Variants in RBFOX1 observed in about 807,000 individuals in gnomAD.
RBFOX1 encodes the protein RNA binding protein fox-1 homolog 1.
RBFOX1 carries 8 observed loss-of-function variants against 57.7 expected under a neutral mutation model. The observed-to-expected ratio is 0.14, with a 90% CI of 0.08 to 0.25. RBFOX1 has a LOEUF of 0.25. Ranked by LOEUF, RBFOX1 falls within the 10% of genes least tolerant of loss-of-function variation. The pLI is 1.00. For synonymous variants in RBFOX1, 326 were observed against 222.4 expected, an observed-to-expected ratio of 1.47 and a Z score of -4.15; for missense variants, 611 against 548.5, an observed-to-expected ratio of 1.11 and a Z score of -1.14.
At chr16:6,845,923 A>G (rs2093731410) in intron 3 of RBFOX1, among the ~76,000 whole-genome samples, 1 of 152,174 alleles carries the variant, frequency 6.6e-6, no homozygotes, top group South Asian at 2.1e-4. Context: ...AAAAAGGCAA[A>G]TCTCAACCTG....
At chr16:7,436,745 C>T (rs961500931) in intron 4 of RBFOX1, among the ~76,000 whole-genome samples, 1 of 152,106 alleles carries the variant, frequency 6.6e-6, no homozygotes, top group East Asian at 1.9e-4. Flanking sequence ...ATTTGGTCTC[C>T]TTGCTGAGAT....
At chr16:7,266,310 T>G (rs890274842) in intron 4 of RBFOX1, among the ~76,000 whole-genome samples, 53 of 152,014 alleles carry the variant, frequency 3.5e-4, no homozygotes, top group African/African-American at 1.3e-3. Context: ...GTGTGGCACC[T>G]TCCCCCACGC....
At chr16:6,626,331 A>G (rs374409967) in intron 2 of RBFOX1, among the ~76,000 whole-genome samples, 2 of 152,186 alleles carry the variant, frequency 1.3e-5, no homozygotes, top group South Asian at 4.2e-4. Flanking sequence ...AGAAGAGAAG[A>G]TCCATGGTGT....
chr16:5,499,141 G>A (rs1312978866), intron 2 of RBFOX1, among the ~76,000 whole-genome samples: 3 of 152,116 alleles, frequency 2.0e-5, no homozygotes, highest in Non-Finnish European at 4.4e-5. Flanking sequence ...TTCATCTTCT[G>A]TTCTAGGTCA....
intron 5 of RBFOX1, 43 bp downstream of exon 5, chr16:7,518,432 C>A (rs544222561): frequency 1.3e-6 from 2 of 1,566,178 alleles, no homozygotes; most frequent in African/African-American, 1.3e-5. Context: ...TATGGGGAGG[C>A]GCCCCCAGCC....
intron 1 of RBFOX1, among the ~76,000 whole-genome samples, chr16:5,262,283 C>G (rs1458102974): frequency 6.6e-6 from 1 of 152,172 alleles, no homozygotes; most frequent in Non-Finnish European, 1.5e-5. Context: ...TTTGGCTACA[C>G]GTTATTCTGG....
intron 3 of RBFOX1, among the ~76,000 whole-genome samples, chr16:5,668,303 TAA>T (rs35464840): frequency 3.3e-5 from 5 of 152,006 alleles, no homozygotes; most frequent in Non-Finnish European, 7.4e-5. Context: ...AACACCAATT[TAA>T]AAAAAAAGAA....
intron 4 of RBFOX1, among the ~76,000 whole-genome samples, chr16:7,466,722 A>T (rs114618499): frequency 7.9e-4 from 120 of 152,332 alleles, no homozygotes; most frequent in African/African-American, 2.8e-3. Flanking sequence ...TTATTCAGTG[A>T]TGATGCCCAG....
At chr16:6,996,830 T>C (rs2092294487) in intron 3 of RBFOX1, among the ~76,000 whole-genome samples, 1 of 152,156 alleles carries the variant, frequency 6.6e-6, no homozygotes, top group Non-Finnish European at 1.5e-5. Context: ...TTTCCATCAT[T>C]GCTAGTTTGC....
At chr16:7,022,742 G>A (rs2039679322) in intron 3 of RBFOX1, among the ~76,000 whole-genome samples, 1 of 152,106 alleles carries the variant, frequency 6.6e-6, no homozygotes, top group Non-Finnish European at 1.5e-5. Flanking sequence ...TCTTAGTATG[G>A]GCCAAACAGT....
chr16:6,936,875 T>G (rs1248611657), intron 3 of RBFOX1, among the ~76,000 whole-genome samples: 1 of 147,030 alleles, frequency 6.8e-6, no homozygotes, highest in Non-Finnish European at 1.5e-5. Context: ...TCTGAAATTT[T>G]TAAGATCCAT....
At chr16:7,570,136 G>T (rs2092622268) in intron 5 of RBFOX1, among the ~76,000 whole-genome samples, 1 of 149,078 alleles carries the variant, frequency 6.7e-6, no homozygotes, top group Admixed American at 6.7e-5. Flanking sequence ...AATAAATTGG[G>T]TTAAAATGAA....
At chr16:7,292,874 A>G (rs1371492778) in intron 4 of RBFOX1, among the ~76,000 whole-genome samples, 3 of 152,280 alleles carry the variant, frequency 2.0e-5, no homozygotes, top group Admixed American at 1.3e-4. Context: ...ACAAAGCTGG[A>G]TAAGAGATGA....
chr16:7,103,434 G>A (rs1300037503), intron 4 of RBFOX1, among the ~76,000 whole-genome samples: 1 of 152,150 alleles, frequency 6.6e-6, no homozygotes, highest in Non-Finnish European at 1.5e-5. Flanking sequence ...CTAGGAAGCA[G>A]AAGGCCACCT....
chr16:6,027,946 T>C (rs926439836), intron 1 of RBFOX1, among the ~76,000 whole-genome samples: 1 of 152,180 alleles, frequency 6.6e-6, no homozygotes, highest in Non-Finnish European at 1.5e-5. Flanking sequence ...TGGGCTCTGA[T>C]TGATTGGCAG....
rs2047283506 is a variant in RBFOX1 at position 7,044,646 on chromosome 16, C to G, written c.-15-7411C>G. On this transcript the variant is annotated intron_variant, in intron 3 of 15. Transcript: ENST00000550418. ...GAACAGCGCCCGACCTTCCACTTTA[C>G]TTTTTTTCATTTAGGCCATAAAATA... Among the ~76,000 whole-genome samples the G allele has an allele frequency of 2.0e-5, 3 of 152,178 alleles. No individual in the cohort carries two copies. The South Asian group carries it at 6.2e-4, about 32-fold the overall frequency.
At chr16:5,981,299 A>G (rs2060167871) in intron 4 of RBFOX1, among the ~76,000 whole-genome samples, 1 of 152,178 alleles carries the variant, frequency 6.6e-6, no homozygotes, top group Admixed American at 6.5e-5. Flanking sequence ...TGGCATCTAC[A>G]AATGTTCTGG....
intron 2 of RBFOX1, among the ~76,000 whole-genome samples, chr16:6,534,136 A>T (rs2096703306): frequency 1.3e-5 from 2 of 152,188 alleles, no homozygotes; most frequent in Admixed American, 6.5e-5. Context: ...AAAAGAAGAA[A>T]AAAGGGAAAT....
At chr16:7,059,994 A>G (rs1003460323) in intron 4 of RBFOX1, among the ~76,000 whole-genome samples, 1 of 152,226 alleles carries the variant, frequency 6.6e-6, no homozygotes, top group African/African-American at 2.4e-5. Flanking sequence ...GTAAAATATT[A>G]GTGGAAAAAA....
Sources: gnomAD v4.1 joint callset for allele counts (sites outside exome capture counted in the v4.1 genomes callset) on GRCh38, gnomAD v4.1.1 for gene constraint, MANE v1.5 for transcripts, NCBI Gene and HGNC (gene_info 2026-07-23, HGNC 2026-07-21) for gene names.